The following NCAM1 variants were observed in gnomAD, a reference collection of about 807,000 sequenced individuals.
NCAM1 encodes the protein neural cell adhesion molecule 1, also known as antigen recognized by monoclonal antibody 5.1H11.
In NCAM1, 14 loss-of-function variants were observed where a neutral mutation model predicts 109.8. That is an observed-to-expected ratio of 0.13 (90% CI 0.08 to 0.20). The LOEUF is 0.20. Among genes scored for constraint, NCAM1 ranks in the 10% least tolerant of loss-of-function variants. The pLI is 1.00. For synonymous variants in NCAM1, 418 were observed against 442.9 expected (o/e 0.94, Z 0.70); for missense variants, 774 against 1,109.9 (o/e 0.70, Z 4.30).
intron 1 of NCAM1, among the ~76,000 whole-genome samples, chr11:113,109,955 C>CAT (rs1455330525): frequency 1.3e-4 from 20 of 152,164 alleles, no homozygotes; most frequent in Middle Eastern, 3.4e-3. Flanking sequence ...TATATACATA[C>CAT]ATATATACAT....
chr11:113,153,475 AGT>A (rs148147482), intron 1 of NCAM1, among the ~76,000 whole-genome samples: 3 of 148,634 alleles, frequency 2.0e-5, no homozygotes, highest in Admixed American at 6.7e-5. Flanking sequence ...AGAGAGAGAG[AGT>A]GTGTGTGTGT....
chr11:112,992,563 G>A (rs4436577), intron 1 of NCAM1, among the ~76,000 whole-genome samples: 20,374 of 149,110 alleles, frequency 0.14, 1,742 homozygotes, highest in South Asian at 0.4. Flanking sequence ...GTGCAGTGGC[G>A]TGATCTCGGC....
chr11:113,095,924 G>T (rs1939576402), intron 1 of NCAM1, among the ~76,000 whole-genome samples: 1 of 152,110 alleles, frequency 6.6e-6, no homozygotes, highest in African/African-American at 2.4e-5. Context: ...AAAATCTGCT[G>T]CAAGGATTAA....
intron 17 of NCAM1, among the ~76,000 whole-genome samples, chr11:113,267,669 G>T (rs1555124604): frequency 6.6e-6 from 1 of 152,172 alleles, no homozygotes; most frequent in Non-Finnish European, 1.5e-5. Flanking sequence ...CCGGGAGAAA[G>T]ACTTTGAATT....
chr11:113,190,008 G>A (rs1943629646), intron 1 of NCAM1, among the ~76,000 whole-genome samples: 1 of 152,028 alleles, frequency 6.6e-6, no homozygotes, highest in Non-Finnish European at 1.5e-5. Flanking sequence ...TAGCACATGG[G>A]GGAGGTCCCA....
rs782247264 is a variant in NCAM1, at chr11:113,274,859, C to T, written c.2457-408C>T. On this transcript the variant is annotated intron_variant, in intron 19 of 19. Transcript: ENST00000316851. The surrounding 1 kb of genome is among the most constrained non-coding windows in gnomAD (Gnocchi z 4.1). ...CCAGCCCAGCAGGCTGCATTTACAT[C>T]CAGCTGAGCTGTTGCCACTGCAGCT... Among the ~76,000 whole-genome samples the T allele has an allele frequency of 1.3e-5, 2 of 152,238 alleles. No homozygotes were observed. The highest frequency in any genetic ancestry group is 6.5e-5 in the Admixed American group (1 of 15,286).
At chr11:113,144,207 T>A (rs1941932611) in intron 1 of NCAM1, among the ~76,000 whole-genome samples, 1 of 152,176 alleles carries the variant, frequency 6.6e-6, no homozygotes, top group South Asian at 2.1e-4. Flanking sequence ...TCTTCAGATC[T>A]AAGATTCTAA....
Position 113,263,402 on chromosome 11 carries a change from A to G in NCAM1, c.2131+3079A>G, listed in dbSNP as rs985908680. 5.1e-6 allele frequency: 5 copies of G among 989,174 alleles called. No individual in the cohort carries two copies. The African/African-American group carries it at 8.7e-5, about 17-fold the overall frequency. 61.3% of individuals were successfully genotyped at this position (989,174 alleles called of 1,614,324 possible). Reference sequence around the variant, plus strand: ...TCAATAATAATTGGCTTTGCTTGCAATTAAGCATTTAAGTGCCCATGTTAA... The same window carrying G: ...TCAATAATAATTGGCTTTGCTTGCAGTTAAGCATTTAAGTGCCCATGTTAA... On this transcript the variant is annotated intron_variant, in intron 17 of 19. Transcript: ENST00000316851.
chr11:113,046,094 G>T (rs2135360817), intron 1 of NCAM1, among the ~76,000 whole-genome samples: 1 of 152,214 alleles, frequency 6.6e-6, no homozygotes, highest in East Asian at 1.9e-4. Context: ...TCACAGGAGT[G>T]CCCATTAGCC....
chr11:113,218,040 A>G (rs1944580437), intron 8 of NCAM1, among the ~76,000 whole-genome samples: 1 of 152,232 alleles, frequency 6.6e-6, no homozygotes, highest in South Asian at 2.1e-4. Context: ...CTATGTGTCC[A>G]GGGCACTTCA....
At chr11:113,221,472 A>C in intron 9 of NCAM1, 147 bp downstream of exon 9, 1 of 796,034 alleles carries the variant, frequency 1.3e-6, no homozygotes, top group Non-Finnish European at 2.0e-6. Context: ...ACTTAGCAAT[A>C]GTATCATTTT....
chr11:113,097,628 C>A (rs1401243594), intron 1 of NCAM1, among the ~76,000 whole-genome samples: 2 of 129,794 alleles, frequency 1.5e-5, no homozygotes, highest in Non-Finnish European at 1.6e-5. Context: ...TTTTTTAACT[C>A]TTTGTTCTTA....
intron 8 of NCAM1, among the ~76,000 whole-genome samples, chr11:113,218,162 A>G (rs951003347): frequency 6.6e-6 from 1 of 152,246 alleles, no homozygotes; most frequent in African/African-American, 2.4e-5. Flanking sequence ...GTCGTCATCT[A>G]ACATTTGTAT....
intron 8 of NCAM1, 130 bp from the exon 9 acceptor site, chr11:113,221,166 G>T (rs1944682404): frequency 2.4e-6 from 2 of 841,662 alleles, no homozygotes; most frequent in African/African-American, 3.4e-5. Flanking sequence ...ATTGAAAGTG[G>T]GCCTTGGAAA....
At chr11:113,117,147 C>CT (rs1591339877) in intron 1 of NCAM1, among the ~76,000 whole-genome samples, 2 of 151,882 alleles carry the variant, frequency 1.3e-5, no homozygotes, top group East Asian at 1.9e-4. Flanking sequence ...TCTAAACAGA[C>CT]TTTTTTTGGT....
At chr11:113,146,112 C>T (rs537430500) in intron 1 of NCAM1, among the ~76,000 whole-genome samples, 7 of 152,176 alleles carry the variant, frequency 4.6e-5, no homozygotes, top group East Asian at 3.9e-4. Context: ...ATCAAGAGTA[C>T]GAGAAGAGAT....
At chr11:113,227,819 C>T (rs1323680140) in intron 9 of NCAM1, among the ~76,000 whole-genome samples, 1 of 152,140 alleles carries the variant, frequency 6.6e-6, no homozygotes, top group Non-Finnish European at 1.5e-5. Flanking sequence ...ATAAACAGAA[C>T]CAAAGACAAA....
chr11:113,125,457 A>T (rs1423026834), intron 1 of NCAM1, among the ~76,000 whole-genome samples: 6 of 152,234 alleles, frequency 3.9e-5, no homozygotes, highest in African/African-American at 1.4e-4. Context: ...ATTAAGTTGG[A>T]TTAACATTTA....
chr11:113,070,227 C>T (rs1555085056), intron 1 of NCAM1, among the ~76,000 whole-genome samples: 1 of 151,964 alleles, frequency 6.6e-6, no homozygotes, highest in Admixed American at 6.6e-5. Flanking sequence ...AACCCTAGGA[C>T]ACATCAACAT....
Sources: gnomAD v4.1 joint callset for allele counts (sites outside exome capture counted in the v4.1 genomes callset) on GRCh38, gnomAD v4.1.1 for gene constraint, Gnocchi (gnomAD v3.1) non-coding constraint, MANE v1.5 for transcripts, NCBI Gene and HGNC (gene_info 2026-07-23, HGNC 2026-07-21) for gene names.